HBEGF: variants seen among roughly 807,000 people sequenced by gnomAD.
HBEGF encodes the protein proheparin-binding EGF-like growth factor.
HBEGF carries 8 observed loss-of-function variants against 19.5 expected under a neutral mutation model. That is an observed-to-expected ratio of 0.41 (90% CI 0.24 to 0.74). HBEGF has a LOEUF of 0.74. Among genes scored for constraint, HBEGF ranks in the 30% least tolerant of loss-of-function variants. The pLI is 0.32. For missense variants in HBEGF, 207 were observed against 256.9 expected (o/e 0.81, Z 1.33); for synonymous variants, 97 against 108.9 (o/e 0.89, Z 0.68).
chr5:140,336,230 C>G (rs1231094674), intron 3 of HBEGF, among the ~76,000 whole-genome samples: 2 of 152,200 alleles, frequency 1.3e-5, no homozygotes, highest in Non-Finnish European at 2.9e-5. Flanking sequence ...TCCTCTCTCA[C>G]TTGACACCCT....
chr5:140,335,749 C>G (rs563960797), intron 4 of HBEGF, 123 bp downstream of exon 4: 2 of 1,058,348 alleles, frequency 1.9e-6, no homozygotes, highest in Middle Eastern at 6.2e-4. Context: ...ATCTACACCC[C>G]GGAGCTAGCC....
rs764754037 is a variant in HBEGF at position 140,346,251 on chromosome 5, C to T, written c.46+32G>A. 3 of 1,590,650 alleles carry T rather than the reference C, an allele frequency of 1.9e-6. No homozygotes were observed. Among genetic ancestry groups the T allele is most frequent in the South Asian group, 1.1e-5 (1 of 87,960 alleles). On this transcript the variant is annotated intron_variant, in intron 1 of 5. Transcript: ENST00000230990. The surrounding 1 kb of genome is among the most constrained non-coding windows in gnomAD (Gnocchi z 6.1). ...CCCCCAGCACAACGCCCCCATCCCC[C>T]CGATCTCCGGGGGCGTCGGCAGCCC...
intron 3 of HBEGF, among the ~76,000 whole-genome samples, chr5:140,341,169 C>A (rs1193986643): frequency 6.6e-6 from 1 of 152,188 alleles, no homozygotes; most frequent in African/African-American, 2.4e-5. Context: ...GGCCTGGGCA[C>A]CCATATCAGG....
In HBEGF at chr5:140,332,912, G is replaced by A. The variant is rs536340580; in HGVS notation, c.*1387C>T. The A allele has an allele frequency of 6.5e-6, 1 of 152,746 alleles. No homozygotes were observed. Among genetic ancestry groups the A allele is most frequent in the South Asian group, 2.1e-4 (1 of 4,824 alleles). The allele number at this position is 152,746 out of a possible 1,614,324, so 9.5% of individuals were successfully genotyped here. Reference sequence around the variant, plus strand: ...TGAACCAGGTTTGGAAATACAAGTTGTAACAGTTCAGAAATGGCACCAGAA... The same window carrying A: ...TGAACCAGGTTTGGAAATACAAGTTATAACAGTTCAGAAATGGCACCAGAA... On this transcript the variant is annotated 3_prime_UTR_variant, in exon 6 of 6. Transcript: ENST00000230990.
chr5:140,344,847 C>T (rs1323298627), intron 2 of HBEGF, among the ~76,000 whole-genome samples: 1 of 109,714 alleles, frequency 9.1e-6, no homozygotes. Context: ...GAGGAGCAGC[C>T]GTGTGGGTGG....
rs1016068280 is a variant in HBEGF at position 140,333,840 on chromosome 5, A to G, written c.*459T>C. 6.5e-6 allele frequency: 1 copy of G among 152,764 alleles called. No homozygotes were observed. The highest frequency in any genetic ancestry group is 2.4e-5 in the African/African-American group (1 of 41,576). The allele number at this position is 152,764 out of a possible 1,614,324, so 9.5% of individuals were successfully genotyped here. Reference sequence around the variant, plus strand: ...TCCAGCACTGGAGGGTCCCAATGGCAGATCCCTTGGTGGTACTTGAGTACA... The same window carrying G: ...TCCAGCACTGGAGGGTCCCAATGGCGGATCCCTTGGTGGTACTTGAGTACA... On this transcript the variant is annotated 3_prime_UTR_variant, in exon 6 of 6. Coordinates refer to ENST00000230990, the MANE Select transcript of HBEGF (RefSeq NM_001945.3).
rs1766220492 is a variant in HBEGF at position 140,335,898 on chromosome 5, C to T, written c.528G>A (p.Leu176=). 5 of 1,614,090 alleles carry T rather than the reference C, an allele frequency of 3.1e-6. No individual in the cohort carries two copies. The highest frequency in any genetic ancestry group is 1.6e-4 in the Middle Eastern group (1 of 6,062). The change falls in exon 4 of 6, where the codon CTG becomes CTA. Residue 176 remains leucine, a synonymous_variant. Coordinates refer to ENST00000230990, the MANE Select transcript of HBEGF (RefSeq NM_001945.3). ...VAVVLSSVCL[L]VIVGLLMFRY... is the part of the protein sequence containing the mutation. ...TAAACATGAGAAGCCCCACGATGACCAGCAGACAGACAGATGACAGCACCA... is the reference window on the plus strand; with the variant it reads ...TAAACATGAGAAGCCCCACGATGACTAGCAGACAGACAGATGACAGCACCA...
rs1369657704 is a variant in HBEGF, at chr5:140,334,784, G to C, written c.555-36C>G. 3 of 1,512,018 alleles carry C rather than the reference G, an allele frequency of 2.0e-6. No individual in the cohort carries two copies. The African/African-American group carries it at 4.1e-5, about 21-fold the overall frequency. The allele number at this position is 1,512,018 out of a possible 1,614,324, so 93.7% of individuals were successfully genotyped here. On this transcript the variant is annotated intron_variant, in intron 4 of 5. Transcript: ENST00000230990. ...TAAGTTTTGTGAATAAGCCCTGCCT[G>C]CTATGACAAAGTGCAGGTCCAGAGC...
At chr5:140,339,229 G>C (rs1361017018) in intron 3 of HBEGF, among the ~76,000 whole-genome samples, 1 of 152,074 alleles carries the variant, frequency 6.6e-6, no homozygotes, top group Non-Finnish European at 1.5e-5. Context: ...CTTAGCACCT[G>C]GGCAGTGAGG....
chr5:140,338,430 G>A (rs1766259741), intron 3 of HBEGF, among the ~76,000 whole-genome samples: 1 of 152,158 alleles, frequency 6.6e-6, no homozygotes, highest in Non-Finnish European at 1.5e-5. Context: ...ACAGCAGTCT[G>A]GATGACTTCA....
At chr5:140,342,907 C>A in intron 2 of HBEGF, 95 bp from the exon 3 acceptor site, 1 of 1,306,784 alleles carries the variant, frequency 7.7e-7, no homozygotes, top group Non-Finnish European at 1.1e-6. Context: ...TTTGATTCCA[C>A]CTGAAGTCAG....
At position 140,334,739 on chromosome 5, in the gene HBEGF, C is replaced by T. The variant is rs1257658439; in HGVS notation, c.564G>A (p.Arg188=). Residue 188 remains arginine (R), a synonymous_variant, in exon 5 of 6, where the codon AGG becomes AGA. Coordinates refer to ENST00000230990, the MANE Select transcript of HBEGF (RefSeq NM_001945.3). ...IVGLLMFRYH[R]RGGYDVENEE... is the part of the protein sequence containing the mutation. ...CATTTTCCACATCATAACCTCCTCT[C>T]CTATGGTACCTGAGGAAGATAAGTT... 1 of 1,613,320 alleles carries T rather than the reference C, an allele frequency of 6.2e-7. No homozygotes were observed. Among genetic ancestry groups the T allele is most frequent in the Admixed American group, 1.7e-5 (1 of 60,024 alleles).
At chr5:140,345,055 A>C (rs1336418628) in intron 2 of HBEGF, among the ~76,000 whole-genome samples, 2 of 152,214 alleles carry the variant, frequency 1.3e-5, no homozygotes, top group African/African-American at 4.8e-5. Context: ...AGCTCCTGGG[A>C]ATGAGGGAGA....
chr5:140,345,975 G>A lies in HBEGF; in HGVS notation c.156C>T (p.Pro52=). ...CTTTCCGGTCCCGGCCGCCTCCTAG[G>A]GGTAGCAGCTGGTCCGTGGATACAG... is the stretch of plus-strand genomic sequence containing the variant. ...PPTVSTDQLL[P]LGGGRDRKVR... Residue 52 remains proline, a synonymous_variant, in exon 2 of 6, where the codon CCC becomes CCT. Transcript: ENST00000230990. 1 of 1,614,144 alleles carries A rather than the reference G, an allele frequency of 6.2e-7. No homozygotes were observed. The highest frequency in any genetic ancestry group is 8.5e-7 in the Non-Finnish European group (1 of 1,180,018).
At chr5:140,336,084 A>G (rs939773316) in intron 3 of HBEGF, 57 bp from the exon 4 acceptor site, 2 of 1,569,170 alleles carry the variant, frequency 1.3e-6, no homozygotes, top group Admixed American at 3.4e-5. Flanking sequence ...TCTCTTGGCA[A>G]TGGCCCACCT....
Position 140,342,725 on chromosome 5 carries a change from T to C in HBEGF, c.308A>G (p.Lys103Arg). ...TTTCCGAAGACATGGGTCCCTCTTC[T>C]TCCCTAGCCCCTTGCCTTTCTTCTT... ...KRKKKGKGLG[K>R]KRDPCLRKYK... Residue 103 changes from lysine to arginine, a missense_variant, in exon 3 of 6, where the codon AAG (lysine) becomes AGG (arginine). Lys to Arg is a conservative substitution (Grantham distance 26). This residue lies in a region of HBEGF where 127 missense variants were observed against 132.7 expected (regional missense o/e 0.96). Transcript: ENST00000230990. 4 of 1,614,246 alleles carry C rather than the reference T, an allele frequency of 2.5e-6. No individual in the cohort carries two copies. The highest frequency in any genetic ancestry group is 3.4e-6 in the Non-Finnish European group (4 of 1,180,046).
At chr5:140,334,560 CCCCCA>C (rs1766198903) in intron 5 of HBEGF, 93 bp downstream of exon 5, 1 of 818,774 alleles carries the variant, frequency 1.2e-6, no homozygotes. Flanking sequence ...AGTAGCCTGG[CCCCCA>C]ACCCCTATAT....
intron 3 of HBEGF, among the ~76,000 whole-genome samples, chr5:140,341,559 A>T (rs1486298119): frequency 1.3e-5 from 2 of 152,220 alleles, no homozygotes; most frequent in Non-Finnish European, 1.5e-5. Context: ...GCCAACTGCC[A>T]AATACAGGGC....
chr5:140,333,383 C>T lies in HBEGF; in HGVS notation c.*916G>A, dbSNP rs1766182465. The stretch of plus-strand genomic sequence containing the variant: ...AAAACACAAATGGTAGACAAAATCG[C>T]CTAGGCAAGACTGAAGTCCAACTCA... On this transcript the variant is annotated 3_prime_UTR_variant, in exon 6 of 6. Transcript: ENST00000230990. 6.5e-6 allele frequency: 1 copy of T among 152,842 alleles called. No individual in the cohort carries two copies. Among genetic ancestry groups the T allele is most frequent in the South Asian group, 2.1e-4 (1 of 4,836 alleles). 9.5% of individuals were successfully genotyped at this position (152,842 alleles called of 1,614,324 possible). A position where few individuals can be genotyped will look rare whatever the true frequency, so the allele number is the denominator to read the frequency against.
Sources: allele counts gnomAD v4.1 joint callset (sites outside exome capture counted in the v4.1 genomes callset), GRCh38; gene constraint gnomAD v4.1.1; regional missense constraint gnomAD v4.1.1; non-coding constraint Gnocchi (gnomAD v3.1); transcripts MANE v1.5; gene names NCBI Gene and HGNC (gene_info 2026-07-23, HGNC 2026-07-21).